Variants in RGS7 observed in about 807,000 individuals in gnomAD.
RGS7 encodes regulator of G protein signaling 7.
RGS7 carries 27 observed loss-of-function variants against 81.1 expected under a neutral mutation model. That is an observed-to-expected ratio of 0.33 (90% CI 0.25 to 0.46). The LOEUF is 0.46. Among genes scored for constraint, RGS7 ranks in the 20% least tolerant of loss-of-function variants. RGS7 has a pLI of 1.00. For missense variants in RGS7, 396 were observed against 607.4 expected, an observed-to-expected ratio of 0.65 and a Z score of 3.66; for synonymous variants, 208 against 207.7, an observed-to-expected ratio of 1.00 and a Z score of -0.01.
intron 2 of RGS7, among the ~76,000 whole-genome samples, chr1:241,124,032 A>G (rs1177489595): frequency 6.6e-6 from 1 of 152,144 alleles, no homozygotes; most frequent in Non-Finnish European, 1.5e-5. Context: ...AATCACTCCA[A>G]TTTCTTAGGT....
chr1:240,890,833 C>T (rs1287844377), intron 6 of RGS7, among the ~76,000 whole-genome samples: 17 of 152,146 alleles, frequency 1.1e-4, no homozygotes. Flanking sequence ...AAGAGCCATT[C>T]TAATTTGGAG....
chr1:240,855,346 A>T (rs1038072748), intron 9 of RGS7, among the ~76,000 whole-genome samples: 4 of 150,684 alleles, frequency 2.7e-5, no homozygotes, highest in African/African-American at 4.9e-5. Flanking sequence ...AAAGAAGAAA[A>T]GGAAGAAATT....
chr1:240,939,197 C>A (rs1424352072), intron 4 of RGS7, among the ~76,000 whole-genome samples: 4 of 152,202 alleles, frequency 2.6e-5, no homozygotes, highest in African/African-American at 9.6e-5. Context: ...TTTCTACAAA[C>A]CACTTTCAGA....
chr1:240,890,213 C>A (rs139126375), intron 6 of RGS7, among the ~76,000 whole-genome samples: 3,471 of 152,204 alleles, frequency 0.023, 132 homozygotes, highest in African/African-American at 0.077. Context: ...AGGGCAGTGG[C>A]GCAATCTCGG....
chr1:240,847,643 A>G (rs1659340049), intron 9 of RGS7, among the ~76,000 whole-genome samples: 1 of 152,192 alleles, frequency 6.6e-6, no homozygotes, highest in Non-Finnish European at 1.5e-5. Context: ...GTCTCACTGG[A>G]TATCTTTAGA....
intron 6 of RGS7, among the ~76,000 whole-genome samples, chr1:240,878,489 CTTTTTTT>C (rs57896753): frequency 1.7e-5 from 2 of 117,584 alleles, no homozygotes; most frequent in East Asian, 2.5e-4. Flanking sequence ...TTTTTTCTTT[CTTTTTTT>C]TTTTTTTTTG....
intron 6 of RGS7, among the ~76,000 whole-genome samples, chr1:240,896,691 T>C (rs900334159): frequency 3.3e-5 from 5 of 150,330 alleles, no homozygotes; most frequent in African/African-American, 1.2e-4. Flanking sequence ...TGCAGCCTTG[T>C]AGTATAGTTT....
chr1:241,237,562 T>C (rs2076046003), intron 2 of RGS7, among the ~76,000 whole-genome samples: 1 of 152,148 alleles, frequency 6.6e-6, no homozygotes, highest in African/African-American at 2.4e-5. Context: ...CCAGACTTCC[T>C]TGATAGGAAG....
chr1:241,097,110 A>C (rs2064311462), intron 3 of RGS7, among the ~76,000 whole-genome samples: 1 of 148,574 alleles, frequency 6.7e-6, no homozygotes, highest in Non-Finnish European at 1.5e-5. Flanking sequence ...GAGATGCAAA[A>C]ACCAAGGCCT....
intron 4 of RGS7, among the ~76,000 whole-genome samples, chr1:240,950,340 T>C (rs1047057330): frequency 6.6e-6 from 1 of 152,134 alleles, no homozygotes; most frequent in African/African-American, 2.4e-5. Flanking sequence ...GCCCTCTCTA[T>C]AACAAAGGCC....
chr1:241,059,399 T>C (rs767769665), intron 3 of RGS7, among the ~76,000 whole-genome samples: 1 of 152,196 alleles, frequency 6.6e-6, no homozygotes, highest in Non-Finnish European at 1.5e-5. Context: ...ATGTAGAGTA[T>C]ATTAGTCAGC....
chr1:240,853,908 A>G (rs1660608413), intron 9 of RGS7, among the ~76,000 whole-genome samples: 1 of 148,984 alleles, frequency 6.7e-6, no homozygotes. Context: ...CTCAAAAAAA[A>G]AAAAAAAAAA....
At chr1:240,835,814 A>C (rs567127245) in intron 9 of RGS7, among the ~76,000 whole-genome samples, 1 of 152,324 alleles carries the variant, frequency 6.6e-6, no homozygotes, top group Non-Finnish European at 1.5e-5. Flanking sequence ...CGTATTACTA[A>C]GTGAAAGAAG....
chr1:241,189,969 G>C (rs111402101), intron 2 of RGS7, among the ~76,000 whole-genome samples: 55 of 152,268 alleles, frequency 3.6e-4, no homozygotes, highest in African/African-American at 1.2e-3. Flanking sequence ...CGGGCGCGGT[G>C]GTGGGCACCT....
At chr1:240,885,538 C>T (rs547847746) in intron 6 of RGS7, among the ~76,000 whole-genome samples, 3 of 152,252 alleles carry the variant, frequency 2.0e-5, no homozygotes, top group South Asian at 2.1e-4. Flanking sequence ...AAATGTGGTG[C>T]AGCTACATCA....
chr1:241,178,238 G>A, intron 2 of RGS7, among the ~76,000 whole-genome samples: 1 of 152,242 alleles, frequency 6.6e-6, no homozygotes, highest in South Asian at 2.1e-4. Flanking sequence ...ATTGCAATAA[G>A]CTAGGATGGT....
intron 6 of RGS7, among the ~76,000 whole-genome samples, chr1:240,926,796 A>G (rs1558476109): frequency 6.6e-6 from 1 of 152,194 alleles, no homozygotes; most frequent in Non-Finnish European, 1.5e-5. Context: ...TGCACACAAA[A>G]TACCAGAAAT....
intron 10 of RGS7, among the ~76,000 whole-genome samples, chr1:240,821,035 A>G (rs1307319964): frequency 2.6e-5 from 4 of 152,202 alleles, no homozygotes; most frequent in Non-Finnish European, 4.4e-5. Flanking sequence ...GGAGGAAGTC[A>G]GTACACAGAA....
chr1:241,179,040 T>C (rs1333858910), intron 2 of RGS7, among the ~76,000 whole-genome samples: 2 of 151,906 alleles, frequency 1.3e-5, no homozygotes, highest in Non-Finnish European at 2.9e-5. Context: ...GTAAGCTCTA[T>C]CATGGTGGGC....
Sources: allele counts gnomAD v4.1 joint callset (sites outside exome capture counted in the v4.1 genomes callset), GRCh38; gene constraint gnomAD v4.1.1; transcripts MANE v1.5; gene names NCBI Gene and HGNC (gene_info 2026-07-23, HGNC 2026-07-21).